Variants in N4BP2 observed in about 807,000 individuals in gnomAD.
N4BP2 encodes NEDD4 binding protein 2.
N4BP2 carries 91 observed loss-of-function variants against 152.8 expected under a neutral mutation model. The ratio of observed to expected loss-of-function variants is 0.60; its 90% CI spans 0.50 to 0.71. The LOEUF is 0.71. Ranked by LOEUF, N4BP2 falls within the 30% of genes least tolerant of loss-of-function variation. The pLI, the probability that N4BP2 is intolerant of heterozygous loss-of-function variation, is 0.00. For synonymous variants in N4BP2, 646 were observed against 705.3 expected, an observed-to-expected ratio of 0.92 and a Z score of 1.33; for missense variants, 1,923 against 2,059.1, an observed-to-expected ratio of 0.93 and a Z score of 1.28.
At chr4:40,183,187 G>A in the N4BP2 span, among the ~76,000 whole-genome samples, 1 of 152,022 alleles carries the variant, frequency 6.6e-6, no homozygotes, top group African/African-American at 2.4e-5. Context: ...TGTATCATGA[G>A]CATCTCCTTA....
rs56276709 is a variant in N4BP2, at chr4:40,136,343, AATCTATCTATCT to A, written c.4647-560_4647-549del. On this transcript the variant is annotated intron_variant, in intron 13 of 17. Coordinates refer to ENST00000261435, the MANE Select transcript of N4BP2 (RefSeq NM_018177.6). ...GCCTGGTATAAAGGATTAGAAATTG[AATCTATCTATCT>A]ATCTATCTATCTATCTATCTATCTA... 7.0e-3 allele frequency among the ~76,000 whole-genome samples: 956 copies of A among 136,736 alleles called. 6 individuals carry two copies. Among genetic ancestry groups the A allele is most frequent in the East Asian group, 0.017 (82 of 4,746 alleles). The allele number at this position is 136,736 out of a possible 152,430, so 89.7% of individuals were successfully genotyped here.
intron 13 of N4BP2, 116 bp downstream of exon 13, chr4:40,132,035 G>C (rs1189137677): frequency 1.4e-5 from 10 of 733,344 alleles, no homozygotes; most frequent in South Asian, 9.0e-5. Context: ...CTCCTAATCT[G>C]TGGGTATTAT....
At chr4:40,082,075 G>A (rs1229156344) in intron 2 of N4BP2, among the ~76,000 whole-genome samples, 1 of 152,108 alleles carries the variant, frequency 6.6e-6, no homozygotes, top group African/African-American at 2.4e-5. Flanking sequence ...TTGCGCCATT[G>A]CACTCTAGCT....
At chr4:40,132,455 A>C (rs1385063444) in intron 13 of N4BP2, among the ~76,000 whole-genome samples, 1 of 152,156 alleles carries the variant, frequency 6.6e-6, no homozygotes, top group African/African-American at 2.4e-5. Flanking sequence ...CTAGAGATTT[A>C]ACTTGTCTTT....
At chr4:40,144,839 T>A in intron 16 of N4BP2, 39 bp downstream of exon 16, 1 of 1,516,156 alleles carries the variant, frequency 6.6e-7, no homozygotes, top group Non-Finnish European at 8.9e-7. Context: ...ATAGAATATA[T>A]GTCTTTGCTT....
At chr4:40,078,200 C>T (rs939362356) in intron 2 of N4BP2, among the ~76,000 whole-genome samples, 1 of 151,406 alleles carries the variant, frequency 6.6e-6, no homozygotes, top group African/African-American at 2.4e-5. Flanking sequence ...GTTGCCCAGG[C>T]TGGAATGCAG....
intron 14 of N4BP2, chr4:40,142,364 A>G: frequency 3.2e-6 from 1 of 307,758 alleles, no homozygotes; most frequent in Non-Finnish European, 6.3e-6. Flanking sequence ...TTTTACCTCC[A>G]TTTTGAGACT....
intron 2 of N4BP2, among the ~76,000 whole-genome samples, chr4:40,093,783 A>G (rs939950216): frequency 6.6e-6 from 1 of 152,038 alleles, no homozygotes; most frequent in South Asian, 2.1e-4. Context: ...TTGTATTAGT[A>G]GAGACGGGGT....
chr4:40,177,147 G>C, the N4BP2 span, among the ~76,000 whole-genome samples: 1 of 152,170 alleles, frequency 6.6e-6, no homozygotes, highest in Non-Finnish European at 1.5e-5. Flanking sequence ...CCTGGAGGGG[G>C]TCGTGCCTAG....
At chr4:40,073,338 C>T (rs1410332352) in intron 1 of N4BP2, 117 bp from the exon 2 acceptor site, 1 of 151,934 alleles carries the variant, frequency 6.6e-6, no homozygotes, top group East Asian at 1.9e-4. Context: ...TCTTTTGTCA[C>T]TTTCTTTTTG....
chr4:40,163,973 T>A, the N4BP2 span, among the ~76,000 whole-genome samples: 5 of 152,228 alleles, frequency 3.3e-5, no homozygotes, highest in African/African-American at 1.2e-4. Flanking sequence ...TTTTATCAGT[T>A]AAGTGACTTT....
intron 16 of N4BP2, among the ~76,000 whole-genome samples, chr4:40,152,231 T>A (rs548541939): frequency 6.6e-6 from 1 of 152,362 alleles, no homozygotes; most frequent in Admixed American, 6.5e-5. Flanking sequence ...ATAAACTAGT[T>A]GCTATCATTA....
At chr4:40,162,068 C>T (rs1464810952), downstream of N4BP2, among the ~76,000 whole-genome samples, 1 of 152,172 alleles carries the variant, frequency 6.6e-6, no homozygotes, top group Non-Finnish European at 1.5e-5. Flanking sequence ...GATAGATGGC[C>T]TCCACCTTAC....
chr4:40,115,171 G>C (rs148742747), intron 7 of N4BP2, among the ~76,000 whole-genome samples: 1 of 152,020 alleles, frequency 6.6e-6, no homozygotes, highest in East Asian at 1.9e-4. Context: ...GAAGGTTTAG[G>C]TCATTTTCTA....
intron 2 of N4BP2, among the ~76,000 whole-genome samples, chr4:40,088,390 A>G (rs1714184490): frequency 6.6e-6 from 1 of 152,070 alleles, no homozygotes; most frequent in Non-Finnish European, 1.5e-5. Context: ...ACCATTTTAC[A>G]TTCCCATCAG....
chr4:40,189,897 A>AAC, the N4BP2 span, among the ~76,000 whole-genome samples: 41 of 146,430 alleles, frequency 2.8e-4, no homozygotes, highest in East Asian at 7.8e-4. The surrounding 1 kb of genome is among the most constrained non-coding windows in gnomAD (Gnocchi z 4.3). Context: ...GTCTGTCTCA[A>AAC]ACACACACAC....
Position 40,102,126 on chromosome 4 carries a change from T to C in N4BP2, c.281T>C (p.Ile94Thr). 6.2e-6 allele frequency: 10 copies of C among 1,612,850 alleles called. No individual in the cohort carries two copies. Among genetic ancestry groups the C allele is most frequent in the Middle Eastern group, 1.7e-4 (1 of 6,048 alleles). ...GAATTATCTGCCACTGATACCAAGATAGAAGAATCATCTTCACAAAGTTTC... is the reference window on the plus strand; with the variant it reads ...GAATTATCTGCCACTGATACCAAGACAGAAGAATCATCTTCACAAAGTTTC... ...LLELSATDTKIEESSSQSFVA... is the reference protein window; with the variant it reads ...LLELSATDTKTEESSSQSFVA... The change falls in exon 4 of 18, where the codon ATA becomes ACA. Residue 94 changes from isoleucine (I) to threonine (T), a missense_variant. Ile to Thr is a moderately conservative substitution (Grantham distance 89). Transcript: ENST00000261435.
the N4BP2 span, among the ~76,000 whole-genome samples, chr4:40,182,699 CAG>C: frequency 6.6e-6 from 1 of 151,960 alleles, no homozygotes; most frequent in Non-Finnish European, 1.5e-5. Context: ...TATAGAGAGA[CAG>C]AGTCTTGTTC....
At position 40,155,759 on chromosome 4, in the gene N4BP2, A is replaced by T. The variant is rs1410296149; in HGVS notation, c.*1522A>T. The T allele has an allele frequency of 6.6e-6, 1 of 152,252 alleles. No individual in the cohort carries two copies. The highest frequency in any genetic ancestry group is 1.5e-5 in the Non-Finnish European group (1 of 68,036). 9.4% of individuals were successfully genotyped at this position (152,252 alleles called of 1,614,324 possible). ...ATAGGATTGAGCTGGTACCAAAAGAATCCTAAAGTACAGAATGGTTTTCCA... is the reference window on the plus strand; with the variant it reads ...ATAGGATTGAGCTGGTACCAAAAGATTCCTAAAGTACAGAATGGTTTTCCA... On this transcript the variant is annotated 3_prime_UTR_variant, in exon 18 of 18. Coordinates refer to ENST00000261435, the MANE Select transcript of N4BP2 (RefSeq NM_018177.6).
Sources: allele counts gnomAD v4.1 joint callset (sites outside exome capture counted in the v4.1 genomes callset), GRCh38; gene constraint gnomAD v4.1.1; non-coding constraint Gnocchi (gnomAD v3.1); transcripts MANE v1.5; gene names NCBI Gene and HGNC (gene_info 2026-07-23, HGNC 2026-07-21).